The following CHD2 variants were observed in gnomAD, a reference collection of about 807,000 sequenced individuals.
The protein encoded by CHD2 is chromodomain helicase DNA binding protein 2, also known as ATP-dependent chromatin remodeler CHD2.
A neutral mutation model predicts 243.9 loss-of-function variants in CHD2; 28 were observed. The observed-to-expected ratio is 0.11, with a 90% CI of 0.09 to 0.16. CHD2 has a LOEUF of 0.16. Ranked by LOEUF, CHD2 falls within the 10% of genes least tolerant of loss-of-function variation. The pLI is 1.00. For synonymous variants in CHD2, 775 were observed against 779.0 expected, an observed-to-expected ratio of 0.99 and a Z score of 0.09; for missense variants, 1,386 against 2,209.8, an observed-to-expected ratio of 0.63 and a Z score of 7.47.
At chr15:92,935,391 G>A (rs1250190595) in intron 5 of CHD2, among the ~76,000 whole-genome samples, 2 of 152,156 alleles carry the variant, frequency 1.3e-5, no homozygotes, top group Non-Finnish European at 2.9e-5. Flanking sequence ...TCATAAGTCT[G>A]TAAATCTGTA....
At chr15:92,935,106 G>C (rs563316885) in intron 5 of CHD2, among the ~76,000 whole-genome samples, 8 of 151,076 alleles carry the variant, frequency 5.3e-5, no homozygotes, top group Non-Finnish European at 8.8e-5. Flanking sequence ...CCCGATCTCG[G>C]CCCACTGTAA....
At position 92,997,556 on chromosome 15, in the gene CHD2, C is replaced by A; in HGVS notation, c.3885+153C>A. Reference sequence around the variant, plus strand: ...TACTTCCATCTTTAGCAGATTGTGGCACTGTTTCACGGATGAAGATAAAGG... The same window carrying A: ...TACTTCCATCTTTAGCAGATTGTGGAACTGTTTCACGGATGAAGATAAAGG... On this transcript the variant is annotated intron_variant, in intron 30 of 38. Coordinates refer to ENST00000394196, the MANE Select transcript of CHD2 (RefSeq NM_001271.4). The surrounding 1 kb of genome is among the most constrained non-coding windows in gnomAD (Gnocchi z 4.1). 3.1e-6 allele frequency: 2 copies of A among 655,382 alleles called. No homozygotes were observed. Among genetic ancestry groups the A allele is most frequent in the South Asian group, 6.3e-5 (2 of 31,532 alleles). The allele number at this position is 655,382 out of a possible 1,614,324, so 40.6% of individuals were successfully genotyped here. A position where few individuals can be genotyped will look rare whatever the true frequency, so the allele number is the denominator to read the frequency against.
intron 26 of CHD2, 80 bp downstream of exon 26, chr15:92,985,753 G>A (rs2054034149): frequency 1.0e-5 from 15 of 1,442,348 alleles, no homozygotes; most frequent in East Asian, 2.3e-5. Flanking sequence ...CCTGGACATC[G>A]TGACAGGGTA....
chr15:92,996,433 T>A (rs562982583), intron 28 of CHD2, among the ~76,000 whole-genome samples: 7 of 152,266 alleles, frequency 4.6e-5, no homozygotes, highest in African/African-American at 1.2e-4. Context: ...GTGCTAGGAT[T>A]ACAGGTGTGA....
chr15:92,929,196 C>A, intron 5 of CHD2, 105 bp downstream of exon 5: 1 of 1,019,984 alleles, frequency 9.8e-7, no homozygotes, highest in Non-Finnish European at 1.5e-6. Flanking sequence ...GTCCCTTAGT[C>A]TGCTTCTGTC....
chr15:92,991,015 TAAC>T (rs1279438123), intron 26 of CHD2, among the ~76,000 whole-genome samples: 2 of 152,204 alleles, frequency 1.3e-5, no homozygotes, highest in South Asian at 2.1e-4. Flanking sequence ...AAAAAAATCT[TAAC>T]AGCTGAAAAA....
At chr15:92,901,351 C>T in intron 2 of CHD2, 52 bp downstream of exon 2, 15 of 1,072,014 alleles carry the variant, frequency 1.4e-5, no homozygotes, top group Non-Finnish European at 2.0e-5. Context: ...GGGGAGAAAC[C>T]TCAGCTTACA....
At chr15:92,930,406 T>C (rs1244347888) in intron 5 of CHD2, among the ~76,000 whole-genome samples, 1 of 152,156 alleles carries the variant, frequency 6.6e-6, no homozygotes, top group Non-Finnish European at 1.5e-5. Context: ...CTTACTCTGG[T>C]TACTGGCTCA....
intron 2 of CHD2, chr15:92,904,481 G>T: frequency 1.0e-6 from 1 of 989,638 alleles, no homozygotes; most frequent in Non-Finnish European, 1.2e-6. Flanking sequence ...CCAGGGAGCC[G>T]CACGCCGAGG....
In CHD2 at chr15:93,000,392, T is replaced by C. The variant is rs2054239514; in HGVS notation, c.4009-120T>C. ...AATGAGTTGCACTCTTTTGATTTCT[T>C]TGGAATTTTCTTGTTTGAATTATAT... On this transcript the variant is annotated intron_variant, in intron 31 of 38. Transcript: ENST00000394196. 2.8e-6 allele frequency: 3 copies of C among 1,072,206 alleles called. No homozygotes were observed. The African/African-American group carries it at 4.8e-5, about 17-fold the overall frequency. 66.4% of individuals were successfully genotyped at this position (1,072,206 alleles called of 1,614,324 possible). A position where few individuals can be genotyped will look rare whatever the true frequency, so the allele number is the denominator to read the frequency against.
intron 26 of CHD2, among the ~76,000 whole-genome samples, chr15:92,989,051 G>C (rs1468797872): frequency 1.2e-5 from 1 of 81,048 alleles, no homozygotes; most frequent in Admixed American, 1.8e-4. Flanking sequence ...TTTTTTTTGA[G>C]ATGGAGTTTT....
At chr15:93,004,772 G>T (rs1470942621) in intron 34 of CHD2, 21 bp downstream of exon 34, 1 of 1,605,712 alleles carries the variant, frequency 6.2e-7, no homozygotes, top group East Asian at 2.2e-5. Flanking sequence ...AAATCGGGGG[G>T]TGCCAGTGTC....
intron 2 of CHD2, among the ~76,000 whole-genome samples, chr15:92,911,041 A>C (rs1271450694): frequency 1.3e-5 from 2 of 152,246 alleles, no homozygotes; most frequent in South Asian, 2.1e-4. Context: ...ATACAGTATT[A>C]CAGTCTTATG....
chr15:93,016,193 T>C (rs1241481154), intron 37 of CHD2, among the ~76,000 whole-genome samples: 1 of 152,212 alleles, frequency 6.6e-6, no homozygotes, highest in Non-Finnish European at 1.5e-5. Flanking sequence ...GGAAATCCTG[T>C]CGTTCGCAAC....
rs140533876 is a variant in CHD2 at position 92,934,231 on chromosome 15, C to G, written c.444-3287C>G. ...AGTTGATTAGATTTGATTTGTCTGT[C>G]TTAGGATTTGTGTCTAGCCAACCAC... On this transcript the variant is annotated intron_variant, in intron 5 of 38. Coordinates refer to ENST00000394196, the MANE Select transcript of CHD2 (RefSeq NM_001271.4). Among the ~76,000 whole-genome samples, 342 of 152,236 alleles carry G rather than the reference C, an allele frequency of 2.2e-3. 1 individual carries two copies. Among genetic ancestry groups the G allele is most frequent in the South Asian group, 5.2e-3 (25 of 4,826 alleles).
intron 4 of CHD2, 54 bp from the exon 5 acceptor site, chr15:92,928,976 C>A: frequency 2.0e-6 from 3 of 1,536,030 alleles, no homozygotes; most frequent in East Asian, 2.3e-5. Flanking sequence ...AGTGTTGTCC[C>A]GAAGAACTGT....
Position 92,998,429 on chromosome 15 carries a change from C to G in CHD2, c.3886-70C>G, listed in dbSNP as rs2054211404. ...AAGGACTGTGCTCAGTTTTTGTTGT[C>G]TCTGTTTATCCTGATCCACTAACCA... On this transcript the variant is annotated intron_variant, in intron 30 of 38. Transcript: ENST00000394196. This position sits in a 1 kb window ranked among gnomAD's most constrained non-coding sequence, Gnocchi z 5.1. 1.9e-6 allele frequency: 3 copies of G among 1,577,950 alleles called. No homozygotes were observed. Among genetic ancestry groups the G allele is most frequent in the Middle Eastern group, 1.8e-4 (1 of 5,706 alleles).
At chr15:92,954,609 C>A (rs984861029) in intron 14 of CHD2, among the ~76,000 whole-genome samples, 1 of 151,800 alleles carries the variant, frequency 6.6e-6, no homozygotes, top group Non-Finnish European at 1.5e-5. Context: ...CCGTTAAAGA[C>A]GAAAAAAGAG....
In CHD2 at chr15:93,002,173, C is replaced by A; in HGVS notation, c.4138-4C>A. ...AAAATTCATAGCCCTGTTTTGTTTCCTAGGATGATGGCTTGGAAAAAAGTC... is the reference window on the plus strand; with the variant it reads ...AAAATTCATAGCCCTGTTTTGTTTCATAGGATGATGGCTTGGAAAAAAGTC... On this transcript the variant is annotated splice_polypyrimidine_tract_variant and splice_region_variant and intron_variant, in intron 32 of 38. Transcript: ENST00000394196. 6.3e-7 allele frequency: 1 copy of A among 1,576,088 alleles called. No individual in the cohort carries two copies. Among genetic ancestry groups the A allele is most frequent in the Non-Finnish European group, 8.6e-7 (1 of 1,169,152 alleles).
Sources: gnomAD v4.1 joint callset for allele counts (sites outside exome capture counted in the v4.1 genomes callset) on GRCh38, gnomAD v4.1.1 for gene constraint, Gnocchi (gnomAD v3.1) non-coding constraint, MANE v1.5 for transcripts, NCBI Gene and HGNC (gene_info 2026-07-23, HGNC 2026-07-21) for gene names.